Variants in PSMD3 observed in about 807,000 individuals in gnomAD.
PSMD3 encodes 26S proteasome non-ATPase regulatory subunit 3.
A neutral mutation model predicts 62.8 loss-of-function variants in PSMD3; 5 were observed. That is an observed-to-expected ratio of 0.08 (90% CI 0.04 to 0.17). The LOEUF is 0.17. Ranked by LOEUF, PSMD3 falls within the 10% of genes least tolerant of loss-of-function variation. PSMD3 has a pLI of 1.00. For synonymous variants in PSMD3, 265 were observed against 283.9 expected (o/e 0.93, Z 0.67); for missense variants, 524 against 713.6 (o/e 0.73, Z 3.03).
At chr17:39,994,860 C>G (rs2144816559) in intron 6 of PSMD3, 94 bp from the exon 7 acceptor site, 1 of 1,071,850 alleles carries the variant, frequency 9.3e-7, no homozygotes, top group East Asian at 2.5e-5. Flanking sequence ...TTCCCTGTTT[C>G]CCACTACATC....
In PSMD3 at chr17:39,984,407, G is replaced by A; in HGVS notation, c.334G>A (p.Val112Ile). The A allele has an allele frequency of 6.2e-7, 1 of 1,613,864 alleles. No homozygotes were observed. The highest frequency in any genetic ancestry group is 8.5e-7 in the Non-Finnish European group (1 of 1,180,022). The change falls in exon 2 of 12, where the codon GTT becomes ATT. Residue 112 changes from valine (V) to isoleucine (I), a missense_variant. Val to Ile is a conservative substitution (Grantham distance 29). Transcript: ENST00000264639. ...PSTSRRLNHY[V>I]LYKAVQGFFT... ...CACATCACGCCGCCTCAACCACTAT[G>A]TTCTGTATAAGGCTGTGCAGGGCTT...
At chr17:39,989,134 G>A (rs1356369588) in intron 4 of PSMD3, among the ~76,000 whole-genome samples, 1 of 152,160 alleles carries the variant, frequency 6.6e-6, no homozygotes, top group South Asian at 2.1e-4. Context: ...CTCAAAACCT[G>A]CAGTGGCTTC....
At chr17:39,985,076 A>C (rs1412276945) in intron 2 of PSMD3, among the ~76,000 whole-genome samples, 1 of 151,676 alleles carries the variant, frequency 6.6e-6, no homozygotes, top group African/African-American at 2.4e-5. Context: ...AAAAGTACAA[A>C]AATTAGCCAG....
chr17:39,994,802 C>G (rs1319207789), intron 6 of PSMD3, 152 bp from the exon 7 acceptor site: 1 of 658,572 alleles, frequency 1.5e-6, no homozygotes, highest in East Asian at 2.7e-5. Context: ...ATGCCCAGCA[C>G]AGGTTTTCAG....
Position 39,997,724 on chromosome 17 carries a change from C to T in PSMD3, c.*143C>T. On this transcript the variant is annotated 3_prime_UTR_variant, in exon 12 of 12. Coordinates refer to ENST00000264639, the MANE Select transcript of PSMD3 (RefSeq NM_002809.4). ...AGGGGGTGGGGGTGCTGGGAGCCAG[C>T]CACCCTGACCTCCCCCAGGGCTCCT... The T allele has an allele frequency of 1.1e-6, 1 of 945,480 alleles. No homozygotes were observed. Among genetic ancestry groups the T allele is most frequent in the Non-Finnish European group, 1.6e-6 (1 of 626,190 alleles). 58.6% of individuals were successfully genotyped at this position (945,480 alleles called of 1,614,324 possible).
rs1980797828 is a variant in PSMD3, at chr17:39,996,910, C to T, written c.1477-420C>T. On this transcript the variant is annotated intron_variant, in intron 10 of 11. Coordinates refer to ENST00000264639, the MANE Select transcript of PSMD3 (RefSeq NM_002809.4). The surrounding 1 kb of genome is among the most constrained non-coding windows in gnomAD (Gnocchi z 5.1). ...TATTGCTGCCTTGCTTAAAATCTGGCTAAGCCCTACTCCACGTGACATGCA... is the reference window on the plus strand; with the variant it reads ...TATTGCTGCCTTGCTTAAAATCTGGTTAAGCCCTACTCCACGTGACATGCA... 1 of 408,196 alleles carries T rather than the reference C, an allele frequency of 2.4e-6. No homozygotes were observed. Among genetic ancestry groups the T allele is most frequent in the Non-Finnish European group, 4.8e-6 (1 of 209,186 alleles). The allele number at this position is 408,196 out of a possible 1,614,324, so 25.3% of individuals were successfully genotyped here.
chr17:39,988,764 T>A lies in PSMD3; in HGVS notation c.631T>A (p.Tyr211Asn). 6.2e-7 allele frequency: 1 copy of A among 1,614,126 alleles called. No homozygotes were observed. The highest frequency in any genetic ancestry group is 8.5e-7 in the Non-Finnish European group (1 of 1,180,036). Residue 211 changes from tyrosine to asparagine, a missense_variant, in exon 4 of 12, where the codon TAC becomes AAC. By Grantham distance (143) the Tyr-to-Asn change is moderately radical. Around this residue, in one of 4 missense-constraint regions of PSMD3, gnomAD observed 396 missense variants for 475.8 expected, o/e 0.83. Transcript: ENST00000264639. ...RALDLVAAKC[Y>N]YYHARVYEFL... ...CCTAGACCTTGTAGCCGCAAAGTGTTACTATTATCACGCCCGGGTCTATGA... is the reference window on the plus strand; with the variant it reads ...CCTAGACCTTGTAGCCGCAAAGTGTAACTATTATCACGCCCGGGTCTATGA...
intron 1 of PSMD3, among the ~76,000 whole-genome samples, chr17:39,983,966 A>G (rs528138573): frequency 5.3e-4 from 80 of 152,068 alleles, no homozygotes; most frequent in South Asian, 2.1e-3. Context: ...TTGGGAGGCC[A>G]AGGCGGGCAG....
chr17:39,980,836 A>G lies in PSMD3; in HGVS notation c.-135A>G, dbSNP rs570707166. On this transcript the variant is annotated 5_prime_UTR_variant, in exon 1 of 12. Transcript: ENST00000264639. Reference sequence around the variant, plus strand: ...GGCCCAGCGCCGGGAAGGGGTTTGCAGCTGCTCCGTCATCGTGCGGCCCGA... The same window carrying G: ...GGCCCAGCGCCGGGAAGGGGTTTGCGGCTGCTCCGTCATCGTGCGGCCCGA... 16 of 805,874 alleles carry G rather than the reference A, an allele frequency of 2.0e-5. 1 individual carries two copies. The highest frequency in any genetic ancestry group is 1.7e-4 in the South Asian group (9 of 52,526). The allele number at this position is 805,874 out of a possible 1,614,324, so 49.9% of individuals were successfully genotyped here.
Position 39,986,632 on chromosome 17 carries a change from A to G in PSMD3, c.469A>G (p.Thr157Ala), listed in dbSNP as rs1396893509. The G allele has an allele frequency of 6.2e-7, 1 of 1,614,116 alleles. No individual in the cohort carries two copies. The highest frequency in any genetic ancestry group is 1.7e-5 in the Admixed American group (1 of 60,018). The change falls in exon 3 of 12, where the codon ACA (threonine) becomes GCA (alanine). Residue 157 changes from threonine (T) to alanine (A), a missense_variant. Thr to Ala is a moderately conservative substitution (Grantham distance 58). This residue lies in a region of PSMD3 where 396 missense variants were observed against 475.8 expected (regional missense o/e 0.83). Transcript: ENST00000264639. ...FRPRTGKAAS[T>A]PLLPEVEAYL... The stretch of plus-strand genomic sequence containing the variant: ...TCCCCGCACGGGAAAAGCTGCGTCG[A>G]CACCCCTCCTGCCTGAAGTGGAAGC...
chr17:39,989,181 A>T (rs915581001), intron 4 of PSMD3, among the ~76,000 whole-genome samples: 2 of 152,108 alleles, frequency 1.3e-5, no homozygotes, highest in Non-Finnish European at 2.9e-5. Context: ...ACAATACCTC[A>T]TAAGGCCTGA....
At chr17:39,989,425 C>T (rs1327868359) in intron 4 of PSMD3, among the ~76,000 whole-genome samples, 2 of 152,192 alleles carry the variant, frequency 1.3e-5, no homozygotes, top group African/African-American at 4.8e-5. Context: ...ATCTTTCTCA[C>T]GTCCTGCATT....
At chr17:39,986,772 G>A in intron 3 of PSMD3, 60 bp downstream of exon 3, 3 of 1,575,446 alleles carry the variant, frequency 1.9e-6, no homozygotes, top group Non-Finnish European at 2.6e-6. Flanking sequence ...GGTTTGGCGG[G>A]GAGATGGTCC....
intron 1 of PSMD3, among the ~76,000 whole-genome samples, chr17:39,983,890 T>C (rs972088932): frequency 2.6e-5 from 4 of 152,290 alleles, no homozygotes; most frequent in African/African-American, 7.2e-5. Context: ...TTTGCCCCTC[T>C]GTGAGAGGCT....
At chr17:39,986,540 T>C in intron 2 of PSMD3, 35 bp from the exon 3 acceptor site, 1 of 1,612,162 alleles carries the variant, frequency 6.2e-7, no homozygotes, top group South Asian at 1.1e-5. Flanking sequence ...TTGATCAGAC[T>C]GAGCTTTTCC....
Position 39,980,854 on chromosome 17 carries a change from C to A in PSMD3, c.-117C>A. The A allele has an allele frequency of 1.1e-6, 1 of 933,388 alleles. No individual in the cohort carries two copies. Among genetic ancestry groups the A allele is most frequent in the Non-Finnish European group, 1.5e-6 (1 of 656,262 alleles). The allele number at this position is 933,388 out of a possible 1,614,324, so 57.8% of individuals were successfully genotyped here. On this transcript the variant is annotated 5_prime_UTR_variant, in exon 1 of 12. Transcript: ENST00000264639. ...GGTTTGCAGCTGCTCCGTCATCGTG[C>A]GGCCCGACGCTATCTCGCGCTCGTG...
chr17:39,989,643 A>G (rs950886560), intron 4 of PSMD3, 96 bp from the exon 5 acceptor site: 19 of 1,224,864 alleles, frequency 1.6e-5, no homozygotes, highest in African/African-American at 4.5e-5. Flanking sequence ...AGCAATTTGT[A>G]TAACTTTTTT....
intron 3 of PSMD3, among the ~76,000 whole-genome samples, chr17:39,987,591 CCT>C (rs1472085399): frequency 3.3e-5 from 5 of 152,126 alleles, no homozygotes; most frequent in African/African-American, 1.2e-4. Flanking sequence ...CAAGTGATTT[CCT>C]GGGCTCAGCC....
intron 6 of PSMD3, 156 bp from the exon 7 acceptor site, chr17:39,994,798 A>C: frequency 1.5e-6 from 1 of 649,054 alleles, no homozygotes; most frequent in South Asian, 1.9e-5. Flanking sequence ...TTCTATGCCC[A>C]GCACAGGTTT....
Sources: gnomAD v4.1 joint callset for allele counts (sites outside exome capture counted in the v4.1 genomes callset) on GRCh38, gnomAD v4.1.1 for gene constraint, gnomAD v4.1.1 regional missense constraint, Gnocchi (gnomAD v3.1) non-coding constraint, MANE v1.5 for transcripts, NCBI Gene and HGNC (gene_info 2026-07-23, HGNC 2026-07-21) for gene names.